UBAP2: variants seen among roughly 807,000 people sequenced by gnomAD.
UBAP2 encodes ubiquitin-associated protein 2.
UBAP2 carries 75 observed loss-of-function variants against 139.6 expected under a neutral mutation model. That is an observed-to-expected ratio of 0.54 (90% confidence interval 0.45 to 0.65). UBAP2 has a LOEUF of 0.65. UBAP2 is among the 30% of genes least tolerant of loss of function. The pLI, the probability that UBAP2 is intolerant of heterozygous loss-of-function variation, is 0.00. For missense variants in UBAP2, 1,368 were observed against 1,369.6 expected (o/e 1.00, Z 0.02); for synonymous variants, 526 against 526.2 (o/e 1.00, Z 0.01).
chr9:33,924,361 T>C, intron 22 of UBAP2, 77 bp from the exon 23 acceptor site: 1 of 1,406,108 alleles, frequency 7.1e-7, no homozygotes, highest in Non-Finnish European at 1.0e-6. Flanking sequence ...CACATGGAAG[T>C]GGTGACGCCA....
At chr9:33,993,788 T>G (rs1821914305) in intron 4 of UBAP2, among the ~76,000 whole-genome samples, 1 of 152,224 alleles carries the variant, frequency 6.6e-6, no homozygotes, top group South Asian at 2.1e-4. Flanking sequence ...CTTCATTTGC[T>G]ATTTTCTTAT....
chr9:34,019,456 C>T (rs1433111031), intron 1 of UBAP2, among the ~76,000 whole-genome samples: 1 of 151,890 alleles, frequency 6.6e-6, no homozygotes, highest in African/African-American at 2.4e-5. Flanking sequence ...ATACAAGTTA[C>T]TTAGAAAAGT....
intron 6 of UBAP2, among the ~76,000 whole-genome samples, chr9:33,978,868 G>C (rs1207074651): frequency 6.6e-6 from 1 of 152,130 alleles, no homozygotes; most frequent in Admixed American, 6.5e-5. Context: ...AGAAAGGTTA[G>C]GGAGTAAACT....
At chr9:33,935,937 G>A (rs1824472827) in intron 16 of UBAP2, 59 bp from the exon 17 acceptor site, 3 of 1,519,896 alleles carry the variant, frequency 2.0e-6, no homozygotes, top group South Asian at 2.4e-5. Context: ...TTACCTGAGT[G>A]GCTTTTTATA....
chr9:34,006,612 G>A (rs1042614168), intron 2 of UBAP2, among the ~76,000 whole-genome samples: 1 of 152,068 alleles, frequency 6.6e-6, no homozygotes, highest in African/African-American at 2.4e-5. Context: ...GGAGGTCAAG[G>A]GAGAAGGGAG....
intron 2 of UBAP2, among the ~76,000 whole-genome samples, chr9:34,001,461 CT>C (rs1193407099): frequency 6.6e-6 from 1 of 152,194 alleles, no homozygotes; most frequent in Non-Finnish European, 1.5e-5. Flanking sequence ...TAAAACTAGA[CT>C]TAGAGTCACA....
At chr9:33,969,767 G>A (rs192873846) in intron 8 of UBAP2, among the ~76,000 whole-genome samples, 15 of 151,010 alleles carry the variant, frequency 9.9e-5, no homozygotes, top group Admixed American at 5.9e-4. Context: ...TCAGGACACT[G>A]AAGCAAGAGA....
chr9:33,945,102 C>A (rs940129519), intron 13 of UBAP2, among the ~76,000 whole-genome samples: 3 of 150,892 alleles, frequency 2.0e-5, no homozygotes, highest in Non-Finnish European at 4.4e-5. Flanking sequence ...TGCATTCCAG[C>A]CTGGATGACA....
At chr9:34,032,907 C>A (rs1826009180) in intron 1 of UBAP2, among the ~76,000 whole-genome samples, 1 of 138,196 alleles carries the variant, frequency 7.2e-6, no homozygotes, top group Non-Finnish European at 1.6e-5. Context: ...CAGAGCAAGA[C>A]CCTGTCTTCA....
chr9:34,001,428 G>T (rs1822691252), intron 2 of UBAP2, among the ~76,000 whole-genome samples: 1 of 152,222 alleles, frequency 6.6e-6, no homozygotes. Context: ...GGTAAGCTCT[G>T]ATTGGTGAGT....
intron 1 of UBAP2, among the ~76,000 whole-genome samples, chr9:34,029,776 T>C (rs1587687055): frequency 6.9e-6 from 1 of 145,212 alleles, no homozygotes; most frequent in East Asian, 2.1e-4. Context: ...GATCATGAGA[T>C]CAGGAGTTCG....
chr9:34,007,799 C>A (rs751804394), intron 2 of UBAP2, among the ~76,000 whole-genome samples: 2 of 151,798 alleles, frequency 1.3e-5, no homozygotes, highest in Non-Finnish European at 2.9e-5. Context: ...CCACCACTCC[C>A]GGCTAATTTT....
chr9:34,026,422 T>A (rs1825405677), intron 1 of UBAP2, among the ~76,000 whole-genome samples: 1 of 152,188 alleles, frequency 6.6e-6, no homozygotes, highest in South Asian at 2.1e-4. Context: ...CATAATGGGC[T>A]AAGGGTTCAA....
chr9:33,947,839 T>A (rs868385728), intron 13 of UBAP2, among the ~76,000 whole-genome samples: 23 of 143,900 alleles, frequency 1.6e-4, no homozygotes, highest in Middle Eastern at 3.5e-3. Context: ...AAAAAAAAAA[T>A]AAAATAATAG....
chr9:33,946,671 G>A (rs992629590), intron 13 of UBAP2, among the ~76,000 whole-genome samples: 6 of 152,036 alleles, frequency 3.9e-5, no homozygotes, highest in Admixed American at 6.6e-5. Context: ...GGGATTACAT[G>A]AGCCACTGTG....
chr9:34,023,519 A>G (rs767691937), intron 1 of UBAP2, among the ~76,000 whole-genome samples: 9 of 152,216 alleles, frequency 5.9e-5, no homozygotes, highest in African/African-American at 9.6e-5. Context: ...CACAGTATCA[A>G]CATTAAGACT....
At chr9:33,975,361 G>A (rs1410139659) in intron 6 of UBAP2, among the ~76,000 whole-genome samples, 1 of 151,806 alleles carries the variant, frequency 6.6e-6, no homozygotes, top group Non-Finnish European at 1.5e-5. Flanking sequence ...GAACCCGGGA[G>A]GCAGAGGTTG....
intron 2 of UBAP2, among the ~76,000 whole-genome samples, chr9:34,006,556 C>T (rs1564059054): frequency 2.0e-5 from 3 of 151,998 alleles, no homozygotes; most frequent in Admixed American, 2.0e-4. Flanking sequence ...TGCACCTGTG[C>T]TCCCAGCTAC....
intron 16 of UBAP2, among the ~76,000 whole-genome samples, chr9:33,940,827 A>C (rs13290603): frequency 0.13 from 19,277 of 152,130 alleles, 1,557 homozygotes; most frequent in African/African-American, 0.22. Flanking sequence ...GAATGCTCAC[A>C]TATTAATTTT....
Sources: allele counts gnomAD v4.1 joint callset (sites outside exome capture counted in the v4.1 genomes callset), GRCh38; gene constraint gnomAD v4.1.1; transcripts MANE v1.5; gene names NCBI Gene and HGNC (gene_info 2026-07-23, HGNC 2026-07-21).